The following RALGAPA2 variants were observed in gnomAD, a reference collection of about 807,000 sequenced individuals.
RALGAPA2 encodes ral GTPase-activating protein subunit alpha-2.
A neutral mutation model predicts 230.4 loss-of-function variants in RALGAPA2; 139 were observed. The ratio of observed to expected loss-of-function variants is 0.60; its 90% CI spans 0.53 to 0.69. The LOEUF is 0.69. Among genes scored for constraint, RALGAPA2 ranks in the 30% least tolerant of loss-of-function variants. RALGAPA2 has a pLI of 0.00. For synonymous variants in RALGAPA2, 847 were observed against 837.8 expected (o/e 1.01, Z -0.19); for missense variants, 2,163 against 2,276.0 (o/e 0.95, Z 1.01).
intron 16 of RALGAPA2, among the ~76,000 whole-genome samples, chr20:20,595,769 T>C (rs922116175): frequency 6.6e-6 from 1 of 151,986 alleles, no homozygotes; most frequent in Admixed American, 6.5e-5. Context: ...CTGGTCAACA[T>C]GGTGAAACCC....
intron 37 of RALGAPA2, among the ~76,000 whole-genome samples, chr20:20,465,564 C>T (rs1215153782): frequency 2.0e-5 from 3 of 152,100 alleles, no homozygotes; most frequent in African/African-American, 7.2e-5. Flanking sequence ...CCTGATATTC[C>T]CCTAGGGGGA....
rs535738177 is a variant in RALGAPA2, at chr20:20,662,175, C to T, written c.271-8588G>A. Among the ~76,000 whole-genome samples, 7 of 152,116 alleles carry T rather than the reference C, an allele frequency of 4.6e-5. No homozygotes were observed. The East Asian group carries it at 5.8e-4, about 13-fold the overall frequency. On this transcript the variant is annotated intron_variant, in intron 3 of 39. Coordinates refer to ENST00000202677, the MANE Select transcript of RALGAPA2 (RefSeq NM_020343.4). ...ACATTTACAAAGTTATTATTCTAAG[C>T]GATGCAAATAAATCCCTCAAAGTAA... is the stretch of plus-strand genomic sequence containing the variant.
intron 18 of RALGAPA2, 55 bp downstream of exon 18, chr20:20,589,213 C>A: frequency 6.7e-7 from 1 of 1,494,612 alleles, no homozygotes; most frequent in South Asian, 1.4e-5. Flanking sequence ...ACTTACTGAG[C>A]ACTAATTAAT....
In RALGAPA2 at chr20:20,712,613, G is replaced by A. The variant is rs1249066271; in HGVS notation, c.-133C>T. On this transcript the variant is annotated 5_prime_UTR_variant, in exon 1 of 40. Coordinates refer to ENST00000202677, the MANE Select transcript of RALGAPA2 (RefSeq NM_020343.4). This position sits in a 1 kb window ranked among gnomAD's most constrained non-coding sequence, Gnocchi z 5.5. ...CCCCAGCCCCGCTGCTGCCGCCGCCGCCGCCGCCGCCGCCGCCTCAGCTGT... is the reference window on the plus strand; with the variant it reads ...CCCCAGCCCCGCTGCTGCCGCCGCCACCGCCGCCGCCGCCGCCTCAGCTGT... 1.0e-5 allele frequency: 12 copies of A among 1,186,550 alleles called. No homozygotes were observed. Among genetic ancestry groups the A allele is most frequent in the Admixed American group, 4.6e-5 (1 of 21,732 alleles). The allele number at this position is 1,186,550 out of a possible 1,614,324, so 73.5% of individuals were successfully genotyped here.
At chr20:20,500,714 A>G (rs1332896524) in intron 35 of RALGAPA2, among the ~76,000 whole-genome samples, 1 of 152,238 alleles carries the variant, frequency 6.6e-6, no homozygotes, top group Non-Finnish European at 1.5e-5. Flanking sequence ...GGCATCTAGA[A>G]TGGTGAATCC....
chr20:20,572,446 C>CAA (rs397964870), intron 21 of RALGAPA2, among the ~76,000 whole-genome samples: 53 of 101,712 alleles, frequency 5.2e-4, no homozygotes, highest in East Asian at 2.4e-3. Context: ...GACTCCATTT[C>CAA]AAAAAAAAAA....
rs1401588774 is a variant in RALGAPA2 at position 20,712,367 on chromosome 20, C to T, written c.106+8G>A. On this transcript the variant is annotated splice_region_variant and intron_variant, in intron 1 of 39. Transcript: ENST00000202677. This position sits in a 1 kb window ranked among gnomAD's most constrained non-coding sequence, Gnocchi z 5.5. ...CGCCCCGACCCCCGCGCCCGGCGCG[C>T]GCCTCACCCAGCAGCGCCCGCAGGT... The T allele has an allele frequency of 1.3e-6, 2 of 1,546,070 alleles. No individual in the cohort carries two copies. The highest frequency in any genetic ancestry group is 1.2e-5 in the South Asian group (1 of 83,874).
intron 2 of RALGAPA2, among the ~76,000 whole-genome samples, chr20:20,676,560 T>A (rs2068330858): frequency 6.6e-6 from 1 of 152,194 alleles, no homozygotes; most frequent in Admixed American, 6.5e-5. Flanking sequence ...GATGGGTAAT[T>A]TATTCATTTC....
intron 39 of RALGAPA2, among the ~76,000 whole-genome samples, chr20:20,394,286 A>G (rs374095208): frequency 3.4e-4 from 52 of 152,186 alleles, no homozygotes; most frequent in Admixed American, 7.8e-4. Flanking sequence ...GTGTCCTGAA[A>G]TTCAGTACTT....
rs139606155 is a variant in RALGAPA2, at chr20:20,465,056, C to T, written c.5495+7773G>A. Among the ~76,000 whole-genome samples the T allele has an allele frequency of 1.3e-4, 19 of 151,596 alleles. No homozygotes were observed. The East Asian group carries it at 3.7e-3, about 30-fold the overall frequency. Reference sequence around the variant, plus strand: ...AAGGCCTTCAATTTTGAAAAAGTATCATTTTATAAAATATGATTTACTTTT... The same window carrying T: ...AAGGCCTTCAATTTTGAAAAAGTATTATTTTATAAAATATGATTTACTTTT... On this transcript the variant is annotated intron_variant, in intron 37 of 39. Coordinates refer to ENST00000202677, the MANE Select transcript of RALGAPA2 (RefSeq NM_020343.4).
At chr20:20,670,379 T>C (rs1282815736) in intron 3 of RALGAPA2, among the ~76,000 whole-genome samples, 1 of 152,248 alleles carries the variant, frequency 6.6e-6, no homozygotes, top group East Asian at 1.9e-4. Flanking sequence ...TCCCATTTAC[T>C]AAGTGTGCAC....
chr20:20,458,729 CACACACCTATATATATATACAT>C (rs1292371436), intron 37 of RALGAPA2, among the ~76,000 whole-genome samples: 6 of 100,826 alleles, frequency 6.0e-5, no homozygotes, highest in East Asian at 3.0e-4. Flanking sequence ...TATATATATA[CACACACCTATATATATATACAT>C]ACACACCTAT....
chr20:20,565,820 T>C (rs116675025), intron 23 of RALGAPA2, among the ~76,000 whole-genome samples: 1 of 152,186 alleles, frequency 6.6e-6, no homozygotes, highest in Admixed American at 6.5e-5. Flanking sequence ...GTGTTGATCA[T>C]GTATTGCCAG....
At position 20,391,963 on chromosome 20, in the gene RALGAPA2, T is replaced by C. The variant is rs2059610863; in HGVS notation, c.*1326A>G. 6.6e-6 allele frequency: 1 copy of C among 152,504 alleles called. No individual in the cohort carries two copies. Among genetic ancestry groups the C allele is most frequent in the Non-Finnish European group, 1.5e-5 (1 of 68,234 alleles). 9.4% of individuals were successfully genotyped at this position (152,504 alleles called of 1,614,324 possible). On this transcript the variant is annotated 3_prime_UTR_variant, in exon 40 of 40. Coordinates refer to ENST00000202677, the MANE Select transcript of RALGAPA2 (RefSeq NM_020343.4). ...CCTGCGCAGTGGCGATGGACTCTGG[T>C]AAGCTTCTTGGATTTACTTCCCAAG...
chr20:20,596,925 A>G (rs1312981673), intron 16 of RALGAPA2, among the ~76,000 whole-genome samples: 10 of 152,228 alleles, frequency 6.6e-5, no homozygotes, highest in Non-Finnish European at 8.8e-5. Context: ...ACAATTAAAA[A>G]TGTCTCCAGG....
intron 38 of RALGAPA2, among the ~76,000 whole-genome samples, chr20:20,400,988 C>T (rs1288931274): frequency 2.0e-5 from 3 of 152,062 alleles, no homozygotes; most frequent in African/African-American, 7.3e-5. Context: ...GGTCCATAGA[C>T]ACAAAAAGTG....
chr20:20,537,845 A>G (rs926353711), intron 24 of RALGAPA2, among the ~76,000 whole-genome samples: 2 of 152,186 alleles, frequency 1.3e-5, no homozygotes, highest in African/African-American at 4.8e-5. Flanking sequence ...GCATTTCTTC[A>G]TAAAGTCCCC....
chr20:20,450,971 G>A (rs1024844900), intron 37 of RALGAPA2, among the ~76,000 whole-genome samples: 2 of 152,172 alleles, frequency 1.3e-5, no homozygotes, highest in African/African-American at 4.8e-5. Flanking sequence ...GTGGTAATAG[G>A]ATAAAATAAA....
intron 37 of RALGAPA2, chr20:20,471,794 C>T (rs1385114785): frequency 6.6e-6 from 1 of 152,102 alleles, no homozygotes; most frequent in African/African-American, 2.4e-5. Flanking sequence ...TTTTAAGTTG[C>T]CACATGGCAT....
Sources: gnomAD v4.1 joint callset for allele counts (sites outside exome capture counted in the v4.1 genomes callset) on GRCh38, gnomAD v4.1.1 for gene constraint, Gnocchi (gnomAD v3.1) non-coding constraint, MANE v1.5 for transcripts, NCBI Gene and HGNC (gene_info 2026-07-23, HGNC 2026-07-21) for gene names.